Variants in F13A1 observed in about 807,000 individuals in gnomAD.
F13A1 encodes the protein FSF, A subunit.
F13A1 carries 47 observed loss-of-function variants against 80.1 expected under a neutral mutation model. That is an observed-to-expected ratio of 0.59 (90% CI 0.46 to 0.75). F13A1 has a LOEUF of 0.75. Among genes scored for constraint, F13A1 ranks in the 30% least tolerant of loss-of-function variants. The probability of loss-of-function intolerance (pLI) is 0.00; values close to 1 mark genes in which losing one functional copy is unlikely to be tolerated. For synonymous variants in F13A1, 349 were observed against 344.9 expected (o/e 1.01, Z -0.13); for missense variants, 817 against 930.4 (o/e 0.88, Z 1.59).
At chr6:6,195,740 T>G (rs1202285302) in intron 10 of F13A1, 57 bp downstream of exon 10, 7 of 1,497,006 alleles carry the variant, frequency 4.7e-6, no homozygotes, top group Non-Finnish European at 5.5e-6. Context: ...AGCTTACTCT[T>G]TCATGTGTTA....
At chr6:6,278,341 A>C (rs1218963289) in intron 3 of F13A1, among the ~76,000 whole-genome samples, 1 of 152,194 alleles carries the variant, frequency 6.6e-6, no homozygotes, top group Non-Finnish European at 1.5e-5. Context: ...TGGGGGTGCT[A>C]TTTTAGAGAC....
chr6:6,318,674 T>C lies in F13A1; in HGVS notation c.-10A>G, dbSNP rs748638681. 1 of 1,569,266 alleles carries C rather than the reference T, an allele frequency of 6.4e-7. No homozygotes were observed. The highest frequency in any genetic ancestry group is 8.6e-7 in the Non-Finnish European group (1 of 1,164,764). On this transcript the variant is annotated 5_prime_UTR_variant, in exon 2 of 15. Transcript: ENST00000264870. Reference sequence around the variant, plus strand: ...TGGAAGTTTCTGACATTTTTGACTTTACAAGGTCCTTCAGAAAAAAAAAAA... The same window carrying C: ...TGGAAGTTTCTGACATTTTTGACTTCACAAGGTCCTTCAGAAAAAAAAAAA...
intron 8 of F13A1, among the ~76,000 whole-genome samples, chr6:6,209,484 A>T (rs1337211820): frequency 6.6e-6 from 1 of 152,180 alleles, no homozygotes; most frequent in Non-Finnish European, 1.5e-5. Flanking sequence ...ACAACCCAGA[A>T]ATTCCACTCT....
chr6:6,196,029 C>A, intron 9 of F13A1, 144 bp from the exon 10 acceptor site: 1 of 824,206 alleles, frequency 1.2e-6, no homozygotes, highest in South Asian at 1.5e-5. Context: ...CTTTCCAAGG[C>A]TGAAGAGAAT....
rs137981869 is a variant in F13A1, at chr6:6,236,830, T to A, written c.798+11482A>T. On this transcript the variant is annotated intron_variant, in intron 6 of 14. Coordinates refer to ENST00000264870, the MANE Select transcript of F13A1 (RefSeq NM_000129.4). ...TGATGTTGGGTAACACGAACTAACATCAAAGGCCTAGCGTTAAGTTTGGCA... is the reference window on the plus strand; with the variant it reads ...TGATGTTGGGTAACACGAACTAACAACAAAGGCCTAGCGTTAAGTTTGGCA... 9.1e-4 allele frequency among the ~76,000 whole-genome samples: 138 copies of A among 152,242 alleles called. No homozygotes were observed. The East Asian group carries it at 0.025, about 28-fold the overall frequency.
chr6:6,275,515 G>A (rs923908119), intron 3 of F13A1, among the ~76,000 whole-genome samples: 26 of 152,228 alleles, frequency 1.7e-4, no homozygotes, highest in Admixed American at 1.1e-3. Flanking sequence ...GACTACTGGT[G>A]TGGGCCACCA....
chr6:6,191,442 T>C (rs1561649405), intron 10 of F13A1, among the ~76,000 whole-genome samples: 4 of 152,170 alleles, frequency 2.6e-5, no homozygotes, highest in Non-Finnish European at 4.4e-5. Flanking sequence ...GTGCATGAAA[T>C]TGGATATTTT....
chr6:6,286,696 A>G (rs1758144857), intron 3 of F13A1, among the ~76,000 whole-genome samples: 1 of 152,194 alleles, frequency 6.6e-6, no homozygotes, highest in South Asian at 2.1e-4. Flanking sequence ...TATGCATGAG[A>G]GACAGACAGA....
At chr6:6,194,974 C>T (rs1352041627) in intron 10 of F13A1, among the ~76,000 whole-genome samples, 1 of 152,206 alleles carries the variant, frequency 6.6e-6, no homozygotes, top group Admixed American at 6.5e-5. Context: ...TTGCTAAGAG[C>T]ATCCAATGGT....
intron 12 of F13A1, 75 bp from the exon 13 acceptor site, chr6:6,167,693 C>T (rs1008080038): frequency 2.9e-5 from 45 of 1,539,186 alleles, no homozygotes; most frequent in Middle Eastern, 4.6e-4. Flanking sequence ...TCCAAGTTTC[C>T]CTACCCCTCC....
intron 8 of F13A1, among the ~76,000 whole-genome samples, chr6:6,202,653 C>A (rs1761419414): frequency 6.6e-6 from 1 of 152,128 alleles, no homozygotes; most frequent in Non-Finnish European, 1.5e-5. Context: ...TCTATAGAAG[C>A]AGTATAGAAA....
chr6:6,146,523 G>A (rs1395530342), intron 14 of F13A1, among the ~76,000 whole-genome samples: 1 of 152,176 alleles, frequency 6.6e-6, no homozygotes, highest in African/African-American at 2.4e-5. Context: ...AGTGCAGACT[G>A]AGACTAATCA....
At chr6:6,287,908 A>C (rs1758160934) in intron 3 of F13A1, among the ~76,000 whole-genome samples, 1 of 152,204 alleles carries the variant, frequency 6.6e-6, no homozygotes, top group South Asian at 2.1e-4. Context: ...TGGGAGGTTC[A>C]GTGATGGTTG....
At chr6:6,171,107 T>C (rs997576505) in intron 12 of F13A1, among the ~76,000 whole-genome samples, 3 of 152,156 alleles carry the variant, frequency 2.0e-5, no homozygotes, top group Non-Finnish European at 4.4e-5. Flanking sequence ...GGAAGGAGAT[T>C]ATGAGACAGG....
chr6:6,220,370 T>A (rs3799551), intron 8 of F13A1, among the ~76,000 whole-genome samples: 99,350 of 152,008 alleles, frequency 0.65, 33,368 homozygotes, highest in African/African-American at 0.81. Context: ...GGGACCTGAA[T>A]GAGGACAGGG....
At chr6:6,163,475 C>T (rs1026479478) in intron 13 of F13A1, among the ~76,000 whole-genome samples, 1 of 152,186 alleles carries the variant, frequency 6.6e-6, no homozygotes, top group Non-Finnish European at 1.5e-5. Flanking sequence ...CTGATCCTCT[C>T]CCTCCTCCCA....
At chr6:6,298,800 G>A (rs1385338628) in intron 3 of F13A1, among the ~76,000 whole-genome samples, 1 of 149,418 alleles carries the variant, frequency 6.7e-6, no homozygotes, top group Non-Finnish European at 1.5e-5. Context: ...TATGATGTTA[G>A]CTGGTGATTT....
intron 6 of F13A1, among the ~76,000 whole-genome samples, chr6:6,244,591 A>G (rs766555337): frequency 6.6e-6 from 1 of 152,216 alleles, no homozygotes. Flanking sequence ...TCAAAGTGAA[A>G]TAACAGCAAC....
intron 6 of F13A1, among the ~76,000 whole-genome samples, chr6:6,244,091 G>C (rs771701656): frequency 6.6e-6 from 1 of 152,160 alleles, no homozygotes; most frequent in Non-Finnish European, 1.5e-5. Context: ...CACCTTCTTT[G>C]ATAGTCTGAC....
Sources: gnomAD v4.1 joint callset for allele counts (sites outside exome capture counted in the v4.1 genomes callset) on GRCh38, gnomAD v4.1.1 for gene constraint, MANE v1.5 for transcripts, NCBI Gene and HGNC (gene_info 2026-07-23, HGNC 2026-07-21) for gene names.